ELMO1: variants seen among roughly 807,000 people sequenced by gnomAD.
The protein encoded by ELMO1 is engulfment and cell motility 1.
A neutral mutation model predicts 98.9 loss-of-function variants in ELMO1; 26 were observed. The ratio of observed to expected loss-of-function variants is 0.26; its 90% CI spans 0.19 to 0.36. ELMO1 has a LOEUF of 0.36. Ranked by LOEUF, ELMO1 falls within the 10% of genes least tolerant of loss-of-function variation. ELMO1 has a pLI of 1.00. For synonymous variants in ELMO1, 346 were observed against 346.0 expected, an observed-to-expected ratio of 1.00 and a Z score of 0.00; for missense variants, 627 against 935.2, an observed-to-expected ratio of 0.67 and a Z score of 4.30.
intron 1 of ELMO1, among the ~76,000 whole-genome samples, chr7:37,406,523 G>A (rs1047203678): frequency 2.0e-4 from 30 of 151,834 alleles, no homozygotes; most frequent in African/African-American, 6.8e-4. Flanking sequence ...TCCGCCTCCC[G>A]GGTTCACACC....
intron 1 of ELMO1, among the ~76,000 whole-genome samples, chr7:37,406,718 A>G (rs1252205951): frequency 6.6e-6 from 1 of 152,144 alleles, no homozygotes; most frequent in Non-Finnish European, 1.5e-5. Flanking sequence ...CTGGGATTAC[A>G]GGCGGGAGCC....
At chr7:37,325,388 C>T (rs1799746312) in intron 2 of ELMO1, among the ~76,000 whole-genome samples, 1 of 152,212 alleles carries the variant, frequency 6.6e-6, no homozygotes. Flanking sequence ...CTTCTGTTTC[C>T]AGACTTTTAG....
chr7:37,140,690 A>C (rs528744444), intron 13 of ELMO1, among the ~76,000 whole-genome samples: 6 of 152,222 alleles, frequency 3.9e-5, no homozygotes, highest in Non-Finnish European at 7.3e-5. Context: ...ATCAGTAAGA[A>C]AAAAACAATC....
chr7:36,984,766 T>G (rs1366240419), intron 16 of ELMO1: 1 of 387,840 alleles, frequency 2.6e-6, no homozygotes, highest in Non-Finnish European at 3.5e-6. Flanking sequence ...TATGACACTT[T>G]CAGGCACATA....
chr7:37,398,803 T>A (rs12669779), intron 1 of ELMO1, among the ~76,000 whole-genome samples: 26,985 of 152,090 alleles, frequency 0.18, 2,756 homozygotes, highest in East Asian at 0.37. Context: ...GCTGGACTCA[T>A]GAGCCAGGTC....
rs139224349 is a variant in ELMO1, at chr7:37,128,192, TAAACAAAC to T, written c.1191+4930_1191+4937del. Among the ~76,000 whole-genome samples the T allele has an allele frequency of 9.9e-5, 15 of 151,958 alleles. No individual in the cohort carries two copies. The South Asian group carries it at 1.0e-3, about 11-fold the overall frequency. ...TGGGCAAAAGAGTGAGACTGTATCT[TAAACAAAC>T]AAACAAACAAACAAAAAACATAAAC... On this transcript the variant is annotated intron_variant, in intron 14 of 21. Coordinates refer to ENST00000310758, the MANE Select transcript of ELMO1 (RefSeq NM_014800.11).
intron 4 of ELMO1, among the ~76,000 whole-genome samples, chr7:37,275,395 GGGT>G (rs1415042225): frequency 2.6e-5 from 4 of 152,166 alleles, no homozygotes; most frequent in African/African-American, 9.7e-5. Flanking sequence ...TTTCAAGAAA[GGGT>G]CTTGATGATT....
intron 16 of ELMO1, among the ~76,000 whole-genome samples, chr7:36,945,268 C>G (rs573415298): frequency 1.3e-5 from 2 of 152,238 alleles, no homozygotes; most frequent in South Asian, 4.1e-4. Flanking sequence ...TCTTAGGTAC[C>G]TTCTAGAATC....
intron 11 of ELMO1, among the ~76,000 whole-genome samples, chr7:37,213,664 A>T (rs531732606): frequency 1.3e-5 from 2 of 151,960 alleles, no homozygotes; most frequent in East Asian, 1.9e-4. Context: ...CCATGAAAAA[A>T]CCTACTGTGG....
intron 15 of ELMO1, among the ~76,000 whole-genome samples, chr7:37,065,232 T>TA (rs1366025485): frequency 6.6e-6 from 1 of 151,824 alleles, no homozygotes; most frequent in East Asian, 1.9e-4. Context: ...CAGGCTGGTC[T>TA]TGAACTTCTG....
intron 16 of ELMO1, among the ~76,000 whole-genome samples, chr7:36,959,267 A>G (rs1211006123): frequency 6.6e-6 from 1 of 151,412 alleles, no homozygotes; most frequent in African/African-American, 2.4e-5. Context: ...CATCTGCCTC[A>G]TGTCCCCTCA....
At chr7:37,399,836 GCTCCACACACGGCATAAAC>G (rs1338067754) in intron 1 of ELMO1, among the ~76,000 whole-genome samples, 2 of 152,098 alleles carry the variant, frequency 1.3e-5, no homozygotes, top group East Asian at 3.9e-4. Context: ...TATAGCTCCC[GCTCCACACACGGCATAAAC>G]CTCCTTCTCC....
intron 13 of ELMO1, among the ~76,000 whole-genome samples, chr7:37,147,690 C>A (rs1358731288): frequency 6.6e-6 from 1 of 152,084 alleles, no homozygotes; most frequent in East Asian, 1.9e-4. Flanking sequence ...TGGACTGGGC[C>A]CTGCCCAGGT....
chr7:36,990,014 G>A (rs1008856176), intron 16 of ELMO1, among the ~76,000 whole-genome samples: 3 of 151,910 alleles, frequency 2.0e-5, no homozygotes, highest in Admixed American at 6.6e-5. Context: ...AAGCTCTTTC[G>A]TCCACCTAGC....
At chr7:37,393,257 C>G (rs977045432) in intron 1 of ELMO1, among the ~76,000 whole-genome samples, 25 of 152,150 alleles carry the variant, frequency 1.6e-4, no homozygotes, top group African/African-American at 6.0e-4. Flanking sequence ...AGTGGCTCAC[C>G]ACCCACTAAT....
intron 1 of ELMO1, among the ~76,000 whole-genome samples, chr7:37,367,076 T>C (rs80248977): frequency 0.08 from 12,257 of 152,264 alleles, 614 homozygotes; most frequent in Middle Eastern, 0.12. Context: ...TCTCCTGTCT[T>C]GCTCTCTGGT....
chr7:37,395,193 C>T (rs1803241812), intron 1 of ELMO1, among the ~76,000 whole-genome samples: 1 of 151,912 alleles, frequency 6.6e-6, no homozygotes, highest in African/African-American at 2.4e-5. Flanking sequence ...TGGAGAAACC[C>T]CGTCTCTACT....
At chr7:37,431,348 AAAATTAAT>A (rs1804924649) in intron 1 of ELMO1, among the ~76,000 whole-genome samples, 1 of 151,644 alleles carries the variant, frequency 6.6e-6, no homozygotes, top group Admixed American at 6.6e-5. Flanking sequence ...AAAATAAAAA[AAAATTAAT>A]TAATTTAAAA....
chr7:36,974,162 G>T (rs1187261963), intron 16 of ELMO1, among the ~76,000 whole-genome samples: 1 of 152,268 alleles, frequency 6.6e-6, no homozygotes, highest in Non-Finnish European at 1.5e-5. Context: ...TCCACCTGCA[G>T]CCCCGGTGTG....
Sources: gnomAD v4.1 joint callset for allele counts (sites outside exome capture counted in the v4.1 genomes callset) on GRCh38, gnomAD v4.1.1 for gene constraint, MANE v1.5 for transcripts, NCBI Gene and HGNC (gene_info 2026-07-23, HGNC 2026-07-21) for gene names.